COL6A6: variants seen among roughly 807,000 people sequenced by gnomAD.
The protein encoded by COL6A6 is collagen type VI alpha 6 chain.
COL6A6 carries 183 observed loss-of-function variants against 208.6 expected under a neutral mutation model. The ratio of observed to expected loss-of-function variants is 0.88; its 90% CI spans 0.78 to 0.99. The LOEUF (loss-of-function observed/expected upper bound fraction) is 0.99, where lower values mean the gene tolerates loss of function less well. Ranked by LOEUF, COL6A6 falls within the 50% of genes least tolerant of loss-of-function variation. The pLI, the probability that COL6A6 is intolerant of heterozygous loss-of-function variation, is 0.00. For synonymous variants in COL6A6, 973 were observed against 1,011.8 expected (o/e 0.96, Z 0.73); for missense variants, 2,816 against 2,815.2 (o/e 1.00, Z -0.01).
chr3:130,571,180 GA>G lies in COL6A6; in HGVS notation c.2766del (p.Glu922AspfsTer36). ...AGTCCTCATTGTGATCACCGATGGG[GA>G]ATCCCATGATGCTGATAAACTCAAT... Reference protein sequence around the residue: ...PQVLIVITDGESHDADKLNAT... With the variant: ...PQVLIVITDGXSHDADKLNAT... On this transcript the variant is annotated frameshift_variant, in exon 7 of 37. Coordinates refer to ENST00000358511, the MANE Select transcript of COL6A6 (RefSeq NM_001102608.3). LOFTEE classifies it high-confidence loss of function. The G allele has an allele frequency of 6.2e-7, 1 of 1,613,468 alleles. No individual in the cohort carries two copies. The highest frequency in any genetic ancestry group is 8.5e-7 in the Non-Finnish European group (1 of 1,179,600).
chr3:130,598,215 G>C, intron 18 of COL6A6, 150 bp from the exon 19 acceptor site: 1 of 582,818 alleles, frequency 1.7e-6, no homozygotes, highest in South Asian at 2.4e-5. Context: ...GAAAATACTT[G>C]TAAGCCATCT....
At chr3:130,573,545 T>C (rs1443039633) in intron 7 of COL6A6, among the ~76,000 whole-genome samples, 1 of 151,060 alleles carries the variant, frequency 6.6e-6, no homozygotes, top group East Asian at 1.9e-4. Context: ...TTCAGAAATA[T>C]TTCTATATAG....
chr3:130,594,155 C>T, intron 17 of COL6A6, 126 bp from the exon 18 acceptor site: 1 of 758,712 alleles, frequency 1.3e-6, no homozygotes, highest in Non-Finnish European at 2.1e-6. Context: ...TTCATCTTTC[C>T]AGCTTAAAAA....
chr3:130,624,005 A>G (rs550266824), intron 24 of COL6A6, among the ~76,000 whole-genome samples: 97 of 152,316 alleles, frequency 6.4e-4, no homozygotes, highest in Non-Finnish European at 1.0e-3. Context: ...GAACAGTTTC[A>G]AAAGTGTAGC....
At position 130,651,294 on chromosome 3, in the gene COL6A6, C is replaced by T. The variant is rs548288044; in HGVS notation, c.5733+1732C>T. On this transcript the variant is annotated intron_variant, in intron 33 of 36. Coordinates refer to ENST00000358511, the MANE Select transcript of COL6A6 (RefSeq NM_001102608.3). ...TACTAAAATTAGCCAGGCACAGTGG[C>T]GTGTGCCTGTAATCCCAGCTACTCA... Among the ~76,000 whole-genome samples the T allele has an allele frequency of 5.9e-5, 9 of 151,968 alleles. No homozygotes were observed. The South Asian group carries it at 1.5e-3, about 25-fold the overall frequency.
chr3:130,554,192 G>A (rs2062713349), intron 1 of COL6A6, among the ~76,000 whole-genome samples: 1 of 152,238 alleles, frequency 6.6e-6, no homozygotes, highest in African/African-American at 2.4e-5. Flanking sequence ...GGCACCAGCA[G>A]CAATAATGCA....
At position 130,594,312 on chromosome 3, in the gene COL6A6, A is replaced by G. The variant is rs759204022; in HGVS notation, c.4502A>G (p.Asp1501Gly). ...CCAGGGAAGAGAGGGACTCCTGGTG[A>G]CCGTGGAGCAAAGGGCCTGCGAGGG... ...GSPGKRGTPG[D>G]RGAKGLRGDP... Residue 1501 changes from aspartate (D) to glycine (G), a missense_variant, in exon 18 of 37, where the codon GAC becomes GGC. Transcript: ENST00000358511. 6 of 1,613,496 alleles carry G rather than the reference A, an allele frequency of 3.7e-6. No individual in the cohort carries two copies. The Admixed American group carries it at 8.3e-5, about 22-fold the overall frequency.
intron 20 of COL6A6, among the ~76,000 whole-genome samples, chr3:130,604,670 C>G (rs553253969): frequency 1.3e-5 from 2 of 152,302 alleles, no homozygotes; most frequent in East Asian, 3.9e-4. Flanking sequence ...AGCCCAGTTC[C>G]TGGAAGGGAA....
chr3:130,648,733 C>A (rs1254867053), intron 32 of COL6A6, among the ~76,000 whole-genome samples: 4 of 152,168 alleles, frequency 2.6e-5, no homozygotes, highest in Non-Finnish European at 5.9e-5. Context: ...AGCAACAAAA[C>A]TTGATACTTT....
intron 31 of COL6A6, among the ~76,000 whole-genome samples, chr3:130,644,217 G>T (rs1323853948): frequency 1.3e-5 from 2 of 152,206 alleles, no homozygotes; most frequent in African/African-American, 4.8e-5. Context: ...CATGGCTAGG[G>T]TTCCTGCCAG....
intron 24 of COL6A6, among the ~76,000 whole-genome samples, chr3:130,626,044 C>T (rs2064875775): frequency 6.6e-6 from 1 of 152,160 alleles, no homozygotes; most frequent in Non-Finnish European, 1.5e-5. Context: ...TAATAACACA[C>T]AGTAGATGTT....
chr3:130,579,120 G>A (rs569273781), intron 8 of COL6A6, among the ~76,000 whole-genome samples: 61 of 152,164 alleles, frequency 4.0e-4, no homozygotes, highest in African/African-American at 1.3e-3. Flanking sequence ...CCCCTTTAAA[G>A]TATTTTCTCA....
intron 8 of COL6A6, among the ~76,000 whole-genome samples, chr3:130,577,723 A>T (rs2063329382): frequency 6.6e-6 from 1 of 152,248 alleles, no homozygotes; most frequent in Admixed American, 6.5e-5. Context: ...CAGCTTCTTC[A>T]TCTGCAAAAT....
At chr3:130,650,821 G>A (rs1345813054) in intron 33 of COL6A6, among the ~76,000 whole-genome samples, 1 of 152,180 alleles carries the variant, frequency 6.6e-6, no homozygotes, top group Non-Finnish European at 1.5e-5. Context: ...GAAAGGCAAT[G>A]TTGATTTACT....
At chr3:130,626,641 C>T in intron 25 of COL6A6, 94 bp downstream of exon 25, 1 of 850,494 alleles carries the variant, frequency 1.2e-6, no homozygotes, top group South Asian at 1.4e-5. Context: ...TTTAAGGATA[C>T]AATCCTCATG....
At chr3:130,608,528 C>T (rs937597067) in intron 21 of COL6A6, among the ~76,000 whole-genome samples, 3 of 151,854 alleles carry the variant, frequency 2.0e-5, no homozygotes, top group Admixed American at 1.3e-4. Context: ...TTAATATAAT[C>T]GTGTAAGATG....
chr3:130,531,691 T>C (rs2062100575), intron 1 of COL6A6, among the ~76,000 whole-genome samples: 2 of 152,168 alleles, frequency 1.3e-5, no homozygotes, highest in East Asian at 1.9e-4. Context: ...TCCTTCTCCA[T>C]TGAAACCCCT....
In COL6A6 at chr3:130,593,107, TAGAG is replaced by T; in HGVS notation, c.4416+3_4416+6del. 2.5e-6 allele frequency: 4 copies of T among 1,613,516 alleles called. No individual in the cohort carries two copies. Among genetic ancestry groups the T allele is most frequent in the Non-Finnish European group, 3.4e-6 (4 of 1,179,480 alleles). Reference sequence around the variant, plus strand: ...ATTGACGGATTAAACGGAGAACAGGTAGAGCCTTCTTGTACCATAGAGACCCTTC... The same window carrying T: ...ATTGACGGATTAAACGGAGAACAGGTCCTTCTTGTACCATAGAGACCCTTC... On this transcript the variant is annotated splice_donor_5th_base_variant and intron_variant, in intron 16 of 36. Coordinates refer to ENST00000358511, the MANE Select transcript of COL6A6 (RefSeq NM_001102608.3).
intron 5 of COL6A6, among the ~76,000 whole-genome samples, chr3:130,567,598 A>G (rs1339743195): frequency 6.6e-6 from 1 of 152,202 alleles, no homozygotes; most frequent in African/African-American, 2.4e-5. Context: ...GTTTATATGA[A>G]TGTCTTTTTA....
Sources: gnomAD v4.1 joint callset for allele counts (sites outside exome capture counted in the v4.1 genomes callset) on GRCh38, gnomAD v4.1.1 for gene constraint, MANE v1.5 for transcripts, NCBI Gene and HGNC (gene_info 2026-07-23, HGNC 2026-07-21) for gene names.